Variants in DLEU7 observed in about 807,000 individuals in gnomAD.
DLEU7 encodes deleted in lymphocytic leukemia 7.
Under a neutral mutation model 16.0 loss-of-function variants are expected in DLEU7, and 17 were observed. The observed-to-expected ratio is 1.06, with a 90% CI of 0.73 to 1.59. DLEU7 has a LOEUF of 1.59. DLEU7 is among the 40% of genes most tolerant of loss of function. The pLI is 0.00. For missense variants in DLEU7, 308 were observed against 314.9 expected, an observed-to-expected ratio of 0.98 and a Z score of 0.17; for synonymous variants, 113 against 139.8, an observed-to-expected ratio of 0.81 and a Z score of 1.35.
chr13:50,728,791 C>T (rs1035891284), intron 1 of DLEU7, among the ~76,000 whole-genome samples: 1 of 152,012 alleles, frequency 6.6e-6, no homozygotes, highest in Non-Finnish European at 1.5e-5. Context: ...TTACAAATAG[C>T]ACACATTTCT....
At chr13:50,817,100 G>A (rs1876757447) in intron 1 of DLEU7, among the ~76,000 whole-genome samples, 1 of 151,980 alleles carries the variant, frequency 6.6e-6, no homozygotes, top group Non-Finnish European at 1.5e-5. Context: ...ATGCTCCATA[G>A]GCATTTTGTA....
At chr13:50,750,384 G>A (rs984146841) in intron 1 of DLEU7, among the ~76,000 whole-genome samples, 1 of 152,100 alleles carries the variant, frequency 6.6e-6, no homozygotes, top group African/African-American at 2.4e-5. Context: ...CTCCAGATAT[G>A]TTCCTTTTGC....
At chr13:50,821,732 T>TAA (rs35508524), downstream of DLEU7, among the ~76,000 whole-genome samples, 41 of 150,390 alleles carry the variant, frequency 2.7e-4, no homozygotes, top group South Asian at 4.2e-4. Flanking sequence ...TTGGGTAAGG[T>TAA]AAAAAAAAAC....
chr13:50,802,543 AT>A (rs1447275077), intron 1 of DLEU7, among the ~76,000 whole-genome samples: 3 of 152,212 alleles, frequency 2.0e-5, no homozygotes, highest in African/African-American at 7.2e-5. Context: ...AATGAAGAAA[AT>A]GCAATATATA....
intron 1 of DLEU7, among the ~76,000 whole-genome samples, chr13:50,803,774 A>G (rs1445052203): frequency 1.3e-5 from 2 of 152,158 alleles, no homozygotes; most frequent in Non-Finnish European, 2.9e-5. Flanking sequence ...TTAGAATTAC[A>G]CGTGTAGCTT....
At chr13:50,751,197 T>A (rs1231003977) in intron 1 of DLEU7, among the ~76,000 whole-genome samples, 1 of 152,224 alleles carries the variant, frequency 6.6e-6, no homozygotes, top group African/African-American at 2.4e-5. Flanking sequence ...TCACGTGATT[T>A]TTGTTTTTAA....
intron 1 of DLEU7, among the ~76,000 whole-genome samples, chr13:50,759,176 C>G (rs1365876860): frequency 6.6e-6 from 1 of 152,216 alleles, no homozygotes; most frequent in Non-Finnish European, 1.5e-5. Flanking sequence ...TCCACTCCCC[C>G]CATATACATA....
Position 50,762,753 on chromosome 13 carries a change from C to T in DLEU7, c.460-49513G>A, listed in dbSNP as rs1593547487. 6.7e-5 allele frequency among the ~76,000 whole-genome samples: 10 copies of T among 150,128 alleles called. No homozygotes were observed. The South Asian group carries it at 2.1e-3, about 31-fold the overall frequency. ...AAACAAAACAAAAAAACAACAAAAA[C>T]ACACTCTCACACTGAAGAGGTTAAT... is the stretch of plus-strand genomic sequence containing the variant. On this transcript the variant is annotated intron_variant, in intron 1 of 1. Coordinates refer to the DLEU7 transcript ENST00000400393.
chr13:50,757,771 A>C (rs1352440528), intron 1 of DLEU7, among the ~76,000 whole-genome samples: 1 of 152,202 alleles, frequency 6.6e-6, no homozygotes, highest in Non-Finnish European at 1.5e-5. Flanking sequence ...AGGCATATCC[A>C]CAGCTCTTCA....
At chr13:50,792,690 G>A (rs1258644669) in intron 1 of DLEU7, among the ~76,000 whole-genome samples, 1 of 152,046 alleles carries the variant, frequency 6.6e-6, no homozygotes, top group Non-Finnish European at 1.5e-5. Context: ...TTCCACTGTT[G>A]ATAAGGTGTG....
At position 50,843,204 on chromosome 13, in the gene DLEU7, A is replaced by C; in HGVS notation, c.443T>G (p.Phe148Cys). The change falls in exon 1 of 2, where the codon TTT becomes TGT. Residue 148 changes from phenylalanine to cysteine, a missense_variant. Phe to Cys is a radical substitution (Grantham distance 205). Coordinates refer to ENST00000504404, the MANE Select transcript of DLEU7 (RefSeq NM_001306135.2). The surrounding 1 kb of genome is among the most constrained non-coding windows in gnomAD (Gnocchi z 5.7). ...CAGACTCACCTTCAGGTGAATGGGA[A>C]AGGACCGCTCCTGCTGGAGGGGCCC... is the stretch of plus-strand genomic sequence containing the variant. Reference protein sequence around the residue: ...LLGPLQQERSFPIHLKDSVEF... With the variant: ...LLGPLQQERSCPIHLKDSVEF... 6.3e-7 allele frequency: 1 copy of C among 1,593,628 alleles called. No homozygotes were observed. The highest frequency in any genetic ancestry group is 1.1e-5 in the South Asian group (1 of 89,660).
intron 1 of DLEU7, among the ~76,000 whole-genome samples, chr13:50,776,511 G>A (rs1037377055): frequency 3.7e-4 from 56 of 152,106 alleles, no homozygotes; most frequent in African/African-American, 1.2e-3. Flanking sequence ...TTTTAACAAG[G>A]GATTAACCAT....
At chr13:50,774,616 T>C (rs1165896688) in intron 1 of DLEU7, among the ~76,000 whole-genome samples, 1 of 152,218 alleles carries the variant, frequency 6.6e-6, no homozygotes, top group East Asian at 1.9e-4. Flanking sequence ...CGGAGTTTCA[T>C]GAATGTGTGG....
intron 1 of DLEU7, among the ~76,000 whole-genome samples, chr13:50,737,572 G>A (rs1205702941): frequency 6.6e-6 from 1 of 152,030 alleles, no homozygotes; most frequent in Non-Finnish European, 1.5e-5. Flanking sequence ...TCTGTGATCA[G>A]TAATCCTTGA....
Position 50,760,396 on chromosome 13 carries a change from C to T in DLEU7, c.460-47156G>A, listed in dbSNP as rs577226925. On this transcript the variant is annotated intron_variant, in intron 1 of 1. Coordinates refer to the DLEU7 transcript ENST00000400393. ...GGGAGGGCAGGGACAGGGTCTCACT[C>T]TGTTGCCCAGGCTGGAGTTCACTGG... 7.2e-5 allele frequency among the ~76,000 whole-genome samples: 11 copies of T among 152,276 alleles called. 1 individual carries two copies. Among genetic ancestry groups the T allele is most frequent in the African/African-American group, 2.6e-4 (11 of 41,562 alleles).
intron 1 of DLEU7, among the ~76,000 whole-genome samples, chr13:50,795,352 C>G (rs17478374): frequency 0.39 from 58,608 of 151,938 alleles, 11,366 homozygotes; most frequent in Middle Eastern, 0.4. Context: ...CCATGCACGT[C>G]TCCAGAGTGG....
chr13:50,806,192 T>C (rs1204110513), intron 1 of DLEU7, among the ~76,000 whole-genome samples: 10 of 152,190 alleles, frequency 6.6e-5, no homozygotes, highest in South Asian at 6.2e-4. Flanking sequence ...AGCTTTGCAT[T>C]ACTGTTTTTC....
At chr13:50,730,287 C>T (rs1873880943) in intron 1 of DLEU7, among the ~76,000 whole-genome samples, 1 of 151,654 alleles carries the variant, frequency 6.6e-6, no homozygotes. Context: ...GCAACTCAAA[C>T]CCATGTTGTT....
chr13:50,785,784 A>C (rs1160657013), intron 1 of DLEU7, among the ~76,000 whole-genome samples: 1 of 152,236 alleles, frequency 6.6e-6, no homozygotes, highest in Non-Finnish European at 1.5e-5. Context: ...TTTCTCCAAG[A>C]ATAGAGCATT....
Sources: allele counts gnomAD v4.1 joint callset (sites outside exome capture counted in the v4.1 genomes callset), GRCh38; gene constraint gnomAD v4.1.1; non-coding constraint Gnocchi (gnomAD v3.1); transcripts MANE v1.5; gene names NCBI Gene and HGNC (gene_info 2026-07-23, HGNC 2026-07-21).